The following CHST8 variants were observed in gnomAD, a reference collection of about 807,000 sequenced individuals.
CHST8 encodes the protein carbohydrate sulfotransferase 8, also known as GALNAC-4-ST1.
Under a neutral mutation model 15.0 loss-of-function variants are expected in CHST8, and 10 were observed. The ratio of observed to expected loss-of-function variants is 0.67; its 90% CI spans 0.41 to 1.13. The LOEUF (loss-of-function observed/expected upper bound fraction) is 1.13. Ranked by LOEUF, CHST8 falls within the 50% of genes most tolerant of loss-of-function variation. The probability of loss-of-function intolerance (pLI) is 0.00; values close to 1 mark genes in which losing one functional copy is unlikely to be tolerated. For missense variants in CHST8, 634 were observed against 608.2 expected (o/e 1.04, Z -0.45); for synonymous variants, 259 against 256.6 (o/e 1.01, Z -0.09).
intron 1 of CHST8, among the ~76,000 whole-genome samples, chr19:33,643,226 C>T (rs985031568): frequency 3.9e-5 from 6 of 152,152 alleles, no homozygotes; most frequent in Non-Finnish European, 8.8e-5. Flanking sequence ...TAATCACAAC[C>T]GCACTGGGAA....
chr19:33,701,388 G>A (rs1973334093), intron 3 of CHST8, among the ~76,000 whole-genome samples: 1 of 152,180 alleles, frequency 6.6e-6, no homozygotes, highest in African/African-American at 2.4e-5. Context: ...TAATGAGCAT[G>A]TAGGAAGTAA....
chr19:33,658,705 T>C (rs1312745206), intron 1 of CHST8, among the ~76,000 whole-genome samples: 1 of 152,230 alleles, frequency 6.6e-6, no homozygotes, highest in Non-Finnish European at 1.5e-5. Flanking sequence ...TTTGTTTTGA[T>C]ATTCTGGAGT....
intron 3 of CHST8, among the ~76,000 whole-genome samples, chr19:33,720,426 C>T (rs866422581): frequency 1.3e-5 from 2 of 151,550 alleles, no homozygotes; most frequent in Admixed American, 6.6e-5. Context: ...CACACACATG[C>T]ACCACACATA....
intron 2 of CHST8, among the ~76,000 whole-genome samples, chr19:33,675,140 A>C (rs984883218): frequency 6.6e-6 from 1 of 152,022 alleles, no homozygotes; most frequent in African/African-American, 2.4e-5. Context: ...CTTGTCTCCT[A>C]CTCACTGAGC....
chr19:33,738,126 G>A (rs1474148205), intron 3 of CHST8, among the ~76,000 whole-genome samples: 2 of 152,154 alleles, frequency 1.3e-5, no homozygotes, highest in African/African-American at 4.8e-5. Flanking sequence ...CATATTCTCT[G>A]ACTGCTCAAA....
intron 3 of CHST8, among the ~76,000 whole-genome samples, chr19:33,746,701 C>A (rs899473910): frequency 2.6e-5 from 4 of 152,226 alleles, no homozygotes; most frequent in Admixed American, 6.5e-5. Context: ...CACAGCCATG[C>A]GGCCAGGAGT....
chr19:33,688,725 G>A (rs1411259977), intron 2 of CHST8, among the ~76,000 whole-genome samples: 2 of 152,148 alleles, frequency 1.3e-5, no homozygotes, highest in Non-Finnish European at 2.9e-5. Flanking sequence ...AGAGAAGCAG[G>A]GTGGAGGCAC....
At chr19:33,647,221 C>T (rs930997433) in intron 1 of CHST8, among the ~76,000 whole-genome samples, 7 of 152,066 alleles carry the variant, frequency 4.6e-5, no homozygotes, top group African/African-American at 9.7e-5. Context: ...TATTCCAACG[C>T]GAAGACTCCA....
chr19:33,683,346 T>C (rs1277969408), intron 2 of CHST8, among the ~76,000 whole-genome samples: 1 of 152,238 alleles, frequency 6.6e-6, no homozygotes, highest in Non-Finnish European at 1.5e-5. Flanking sequence ...AACATTTGTC[T>C]TTAAAAGTGT....
At chr19:33,748,064 C>A (rs1974346955) in intron 3 of CHST8, among the ~76,000 whole-genome samples, 1 of 152,156 alleles carries the variant, frequency 6.6e-6, no homozygotes, top group African/African-American at 2.4e-5. Context: ...CAGAGCTGTC[C>A]CGTCCAGTGC....
At chr19:33,650,484 T>C (rs375686825) in intron 1 of CHST8, among the ~76,000 whole-genome samples, 161 of 149,786 alleles carry the variant, frequency 1.1e-3, no homozygotes, top group Non-Finnish European at 2.1e-3. Context: ...CAAGTTTCTT[T>C]TTTTTCTTTT....
chr19:33,644,933 G>T (rs1005617944), intron 1 of CHST8, among the ~76,000 whole-genome samples: 2 of 152,130 alleles, frequency 1.3e-5, no homozygotes, highest in Non-Finnish European at 2.9e-5. Flanking sequence ...TAGGCCAGTG[G>T]TTCTCAGCCT....
At chr19:33,705,005 C>T (rs561296282) in intron 3 of CHST8, among the ~76,000 whole-genome samples, 2 of 151,596 alleles carry the variant, frequency 1.3e-5, no homozygotes, top group Non-Finnish European at 2.9e-5. Context: ...TGTTTTTTAA[C>T]GTTAGATAAT....
intron 3 of CHST8, among the ~76,000 whole-genome samples, chr19:33,726,991 C>T (rs1973914554): frequency 1.3e-5 from 2 of 151,842 alleles, no homozygotes; most frequent in African/African-American, 4.8e-5. Flanking sequence ...CCCACTTTTC[C>T]AAGCCCAGCC....
Position 33,772,694 on chromosome 19 carries a change from C to T in CHST8, c.906C>T (p.Thr302=). 1.9e-6 allele frequency: 3 copies of T among 1,613,558 alleles called. No homozygotes were observed. Among genetic ancestry groups the T allele is most frequent in the Admixed American group, 1.7e-5 (1 of 60,022 alleles). The change falls in exon 5 of 5, where the codon ACC becomes ACT. Residue 302 remains threonine, a synonymous_variant. Transcript: ENST00000650847. ...ATGCCTCTCGGGAGGCCCTGCGGAC[C>T]GGCTCTGGGGTGCGTTTTCCCGAGT... The part of the protein sequence containing the change: ...RANASREALR[T]GSGVRFPEFV...
chr19:33,676,728 T>C (rs1972814786), intron 2 of CHST8, among the ~76,000 whole-genome samples: 1 of 151,178 alleles, frequency 6.6e-6, no homozygotes, highest in Non-Finnish European at 1.5e-5. Context: ...TTTTTGAAAA[T>C]TAGCTGGGTG....
chr19:33,710,004 A>T lies in CHST8; in HGVS notation c.130+20613A>T, dbSNP rs566383997. 2.0e-5 allele frequency among the ~76,000 whole-genome samples: 3 copies of T among 152,280 alleles called. No homozygotes were observed. In the South Asian group the frequency reaches 6.2e-4, roughly 32 times the overall value. Reference sequence around the variant, plus strand: ...CTTTAAAATTTTAAATTTCTAGCTCAATGTCTTCACCATAGTTCTATTCAG... The same window carrying T: ...CTTTAAAATTTTAAATTTCTAGCTCTATGTCTTCACCATAGTTCTATTCAG... On this transcript the variant is annotated intron_variant, in intron 3 of 4. Transcript: ENST00000650847.
chr19:33,628,326 C>T (rs752325), intron 1 of CHST8, among the ~76,000 whole-genome samples: 69,425 of 152,068 alleles, frequency 0.46, 16,289 homozygotes, highest in Middle Eastern at 0.57. Context: ...CCCATCTGTG[C>T]AGGGTCTTCA....
intron 2 of CHST8, chr19:33,685,152 T>C (rs72547580): frequency 6.6e-6 from 1 of 152,264 alleles, no homozygotes; most frequent in African/African-American, 2.4e-5. Flanking sequence ...AAGCGTGTCC[T>C]TGGAGCCGTC....
Sources: gnomAD v4.1 joint callset for allele counts (sites outside exome capture counted in the v4.1 genomes callset) on GRCh38, gnomAD v4.1.1 for gene constraint, MANE v1.5 for transcripts, NCBI Gene and HGNC (gene_info 2026-07-23, HGNC 2026-07-21) for gene names.